The following KIAA1671 variants were observed in gnomAD, a reference collection of about 807,000 sequenced individuals.
The protein encoded by KIAA1671 is uncharacterized protein KIAA1671.
KIAA1671 carries 52 observed loss-of-function variants against 131.2 expected under a neutral mutation model. The observed-to-expected ratio is 0.40, with a 90% CI of 0.32 to 0.50. KIAA1671 has a LOEUF of 0.50. Among genes scored for constraint, KIAA1671 ranks in the 20% least tolerant of loss-of-function variants. The pLI is 0.73. For missense variants in KIAA1671, 2,360 were observed against 2,364.2 expected (o/e 1.00, Z 0.04); for synonymous variants, 1,003 against 961.6 (o/e 1.04, Z -0.80).
intron 11 of KIAA1671, among the ~76,000 whole-genome samples, chr22:25,189,230 T>C (rs1174164068): frequency 6.7e-6 from 1 of 150,048 alleles, no homozygotes; most frequent in Non-Finnish European, 1.5e-5. Flanking sequence ...CTCCACTCAC[T>C]GCAACCTCCG....
chr22:25,179,891 A>G (rs1051837370), intron 9 of KIAA1671, among the ~76,000 whole-genome samples: 2 of 152,230 alleles, frequency 1.3e-5, no homozygotes, highest in East Asian at 1.9e-4. Flanking sequence ...TTAAGGCTAT[A>G]CATTTTCCTC....
At chr22:24,958,094 C>T (rs761152439) in intron 1 of KIAA1671, among the ~76,000 whole-genome samples, 7 of 151,462 alleles carry the variant, frequency 4.6e-5, no homozygotes, top group African/African-American at 4.9e-5. Flanking sequence ...GGTCACGCAG[C>T]GGGAAAGTGG....
At chr22:25,070,122 T>C (rs2145848522) in intron 6 of KIAA1671, 1 of 367,262 alleles carries the variant, frequency 2.7e-6, no homozygotes, top group East Asian at 4.0e-5. Context: ...CCCGCCCCAC[T>C]GGACGAGAAG....
chr22:25,044,943 G>A (rs1334623347), intron 5 of KIAA1671, among the ~76,000 whole-genome samples: 2 of 152,108 alleles, frequency 1.3e-5, no homozygotes, highest in Non-Finnish European at 1.5e-5. Context: ...GGTGGATCAC[G>A]AGGTCAGGAG....
At chr22:25,059,243 G>A (rs1928021512) in intron 6 of KIAA1671, 1 of 152,210 alleles carries the variant, frequency 6.6e-6, no homozygotes. Context: ...AAGGTGGGAG[G>A]ATCGCCTGAG....
At chr22:25,030,429 G>A (rs1926220898) in intron 3 of KIAA1671, among the ~76,000 whole-genome samples, 1 of 152,074 alleles carries the variant, frequency 6.6e-6, no homozygotes, top group Non-Finnish European at 1.5e-5. Context: ...CAGCTACTCA[G>A]GAGGCTGAGG....
Position 25,190,583 on chromosome 22 carries a change from G to A in KIAA1671, c.5343-119G>A, listed in dbSNP as rs1569000538. The stretch of plus-strand genomic sequence containing the variant: ...TAATATGGGCATCTTTACCACCTCT[G>A]AGTGCTTGCCCCAACCCCGCCTGGG... On this transcript the variant is annotated intron_variant, in intron 11 of 12. Coordinates refer to ENST00000358431, the MANE Select transcript of KIAA1671 (RefSeq NM_001145206.2). 1.2e-5 allele frequency: 9 copies of A among 743,704 alleles called. 1 individual carries two copies. The highest frequency in any genetic ancestry group is 6.9e-5 in the Admixed American group (3 of 43,752). The allele number at this position is 743,704 out of a possible 1,614,324, so 46.1% of individuals were successfully genotyped here. A position where few individuals can be genotyped will look rare whatever the true frequency, so the allele number is the denominator to read the frequency against.
chr22:25,084,233 T>TG (rs1929572666), intron 6 of KIAA1671, among the ~76,000 whole-genome samples: 1 of 152,076 alleles, frequency 6.6e-6, no homozygotes, highest in African/African-American at 2.4e-5. Context: ...TCCCAGCACT[T>TG]TGGGAGGCCG....
At chr22:25,126,001 G>A (rs1409543252) in intron 6 of KIAA1671, among the ~76,000 whole-genome samples, 1 of 152,174 alleles carries the variant, frequency 6.6e-6, no homozygotes, top group South Asian at 2.1e-4. Context: ...ATCAGTTCAC[G>A]GAGTTGTTAC....
chr22:25,060,576 A>T (rs1928105123), intron 6 of KIAA1671: 1 of 152,130 alleles, frequency 6.6e-6, no homozygotes. Flanking sequence ...CTTGTTATTC[A>T]CACTTGTTAT....
At position 25,039,250 on chromosome 22, in the gene KIAA1671, T is replaced by C. The variant is rs983088744; in HGVS notation, c.2120T>C (p.Leu707Ser). The C allele has an allele frequency of 7.7e-6, 12 of 1,552,210 alleles. No individual in the cohort carries two copies. In the African/African-American group the frequency reaches 1.1e-4, roughly 14 times the overall value. The stretch of plus-strand genomic sequence containing the variant: ...ACGCCTCTCCGGGACAAATACCCTT[T>C]GTCTGAAAACCACAATAATAACACC... ...YHTPLRDKYP[L>S]SENHNNNTFL... Residue 707 changes from leucine (L) to serine (S), a missense_variant, in exon 5 of 13, where the codon TTG (leucine) becomes TCG (serine). Leu to Ser is a moderately radical substitution (Grantham distance 145). Around this residue, in one of 3 missense-constraint regions of KIAA1671, gnomAD observed 1,185 missense variants for 1,126.2 expected, o/e 1.05. Transcript: ENST00000358431.
chr22:25,000,383 C>T lies in KIAA1671; in HGVS notation c.-207-25250C>T, dbSNP rs1296446997. On this transcript the variant is annotated intron_variant, in intron 1 of 12. Coordinates refer to ENST00000358431, the MANE Select transcript of KIAA1671 (RefSeq NM_001145206.2). ...TAATTTTTTGTATTTTTAGTAGAGACGGGGTTTCACCGTTTTAGCCGGGAT... is the reference window on the plus strand; with the variant it reads ...TAATTTTTTGTATTTTTAGTAGAGATGGGGTTTCACCGTTTTAGCCGGGAT... 1.3e-4 allele frequency among the ~76,000 whole-genome samples: 11 copies of T among 84,976 alleles called. 1 individual carries two copies. In the East Asian group the frequency reaches 2.5e-3, roughly 20 times the overall value. 55.7% of individuals were successfully genotyped at this position (84,976 alleles called of 152,430 possible). A position where few individuals can be genotyped will look rare whatever the true frequency, so the allele number is the denominator to read the frequency against.
At chr22:24,970,579 G>A (rs1348758751) in intron 1 of KIAA1671, among the ~76,000 whole-genome samples, 1 of 152,054 alleles carries the variant, frequency 6.6e-6, no homozygotes, top group Admixed American at 6.6e-5. Flanking sequence ...AGCACAGCCA[G>A]GCACATCGTC....
At chr22:24,965,647 G>T (rs1922260304) in intron 1 of KIAA1671, among the ~76,000 whole-genome samples, 1 of 151,264 alleles carries the variant, frequency 6.6e-6, no homozygotes, top group African/African-American at 2.4e-5. Context: ...GGCTGAGGCG[G>T]GAGAATCGCT....
chr22:25,027,687 A>G (rs932903882), intron 2 of KIAA1671, among the ~76,000 whole-genome samples: 2 of 152,178 alleles, frequency 1.3e-5, no homozygotes, highest in Non-Finnish European at 2.9e-5. Flanking sequence ...GTCAGGGGAA[A>G]GTCCTCCAGA....
chr22:25,174,159 C>G, intron 7 of KIAA1671, 81 bp from the exon 8 acceptor site: 1 of 1,448,330 alleles, frequency 6.9e-7, no homozygotes, highest in Admixed American at 2.1e-5. Context: ...AGCTATGCTG[C>G]CTGCAGCATC....
chr22:25,143,564 A>C (rs896138955), intron 6 of KIAA1671, among the ~76,000 whole-genome samples: 1 of 152,006 alleles, frequency 6.6e-6, no homozygotes, highest in Non-Finnish European at 1.5e-5. Context: ...GTGAAATGTG[A>C]GATGCTGGTC....
chr22:25,002,910 G>A (rs931246373), intron 1 of KIAA1671, among the ~76,000 whole-genome samples: 17 of 151,974 alleles, frequency 1.1e-4, no homozygotes, highest in African/African-American at 4.1e-4. Flanking sequence ...CTCCCAAGTA[G>A]TTGGGACTAC....
intron 6 of KIAA1671, among the ~76,000 whole-genome samples, chr22:25,134,978 G>A (rs1055589998): frequency 3.3e-5 from 5 of 152,152 alleles, no homozygotes; most frequent in Admixed American, 1.3e-4. Flanking sequence ...ATCATCATAC[G>A]TACATTCCAT....
Sources: gnomAD v4.1 joint callset for allele counts (sites outside exome capture counted in the v4.1 genomes callset) on GRCh38, gnomAD v4.1.1 for gene constraint, gnomAD v4.1.1 regional missense constraint, MANE v1.5 for transcripts, NCBI Gene and HGNC (gene_info 2026-07-23, HGNC 2026-07-21) for gene names.